The following TRPM3 variants were observed in gnomAD, a reference collection of about 807,000 sequenced individuals.
TRPM3 encodes the protein long transient receptor potential channel 3.
Under a neutral mutation model 181.2 loss-of-function variants are expected in TRPM3, and 77 were observed. The observed-to-expected ratio is 0.42, with a 90% confidence interval of 0.35 to 0.51. The LOEUF is 0.51. Among genes scored for constraint, TRPM3 ranks in the 20% least tolerant of loss-of-function variants. The probability of loss-of-function intolerance (pLI) is 0.01; values close to 1 mark genes in which losing one functional copy is unlikely to be tolerated. For missense variants in TRPM3, 1,759 were observed against 2,196.7 expected (o/e 0.80, Z 3.98); for synonymous variants, 745 against 796.4 (o/e 0.94, Z 1.09).
intron 1 of TRPM3, among the ~76,000 whole-genome samples, chr9:71,077,464 C>T (rs530761124): frequency 2.0e-5 from 3 of 152,322 alleles, no homozygotes; most frequent in Admixed American, 6.5e-5. Flanking sequence ...CATAGATATA[C>T]ATATCCTATG....
intron 1 of TRPM3, among the ~76,000 whole-genome samples, chr9:71,409,894 T>A (rs1423068967): frequency 6.6e-6 from 1 of 152,046 alleles, no homozygotes; most frequent in Non-Finnish European, 1.5e-5. Flanking sequence ...AGAAAGGAAA[T>A]CATAACAAAC....
intron 1 of TRPM3, among the ~76,000 whole-genome samples, chr9:70,978,214 T>C (rs1209467830): frequency 6.6e-6 from 1 of 152,202 alleles, no homozygotes; most frequent in Non-Finnish European, 1.5e-5. Flanking sequence ...GTATTTCTTA[T>C]AATTACATCT....
chr9:70,650,857 C>T (rs563655287), intron 9 of TRPM3, among the ~76,000 whole-genome samples: 140 of 152,282 alleles, frequency 9.2e-4, no homozygotes, highest in African/African-American at 3.2e-3. Flanking sequence ...CTTTTGCTGC[C>T]TCATCTACTC....
chr9:71,326,626 A>C (rs548382808), intron 1 of TRPM3, among the ~76,000 whole-genome samples: 5 of 152,228 alleles, frequency 3.3e-5, no homozygotes, highest in Non-Finnish European at 7.3e-5. Flanking sequence ...TGGTCTTTTA[A>C]TCATGCAATA....
intron 25 of TRPM3, among the ~76,000 whole-genome samples, chr9:70,547,926 G>C (rs1169382840): frequency 6.6e-6 from 1 of 152,224 alleles, no homozygotes; most frequent in African/African-American, 2.4e-5. Context: ...GAAAGAATTA[G>C]TGAAATGGTC....
At chr9:70,586,196 T>C (rs1480269127) in intron 22 of TRPM3, among the ~76,000 whole-genome samples, 4 of 152,238 alleles carry the variant, frequency 2.6e-5, no homozygotes, top group East Asian at 1.9e-4. Context: ...TTGCCTTTCC[T>C]GGACTGTAAG....
At chr9:71,218,172 C>T (rs957315379) in intron 1 of TRPM3, among the ~76,000 whole-genome samples, 6 of 152,148 alleles carry the variant, frequency 3.9e-5, no homozygotes, top group African/African-American at 1.4e-4. Context: ...CCTATCCACA[C>T]AATCCCAGTG....
At chr9:71,173,713 T>C (rs1414576203) in intron 1 of TRPM3, among the ~76,000 whole-genome samples, 1 of 152,182 alleles carries the variant, frequency 6.6e-6, no homozygotes, top group East Asian at 1.9e-4. Context: ...ACGCCCACAT[T>C]TCTTTTCTAC....
At chr9:70,761,164 C>T (rs754626002) in intron 8 of TRPM3, 43 of 375,916 alleles carry the variant, frequency 1.1e-4, no homozygotes, top group Middle Eastern at 1.4e-3. Context: ...TATGTTTCTC[C>T]GTTTTCTACC....
intron 8 of TRPM3, among the ~76,000 whole-genome samples, chr9:70,750,002 C>T (rs1403178534): frequency 1.3e-5 from 2 of 152,112 alleles, no homozygotes; most frequent in East Asian, 3.9e-4. Context: ...GTTGTGATAA[C>T]CAACTAATTC....
At chr9:70,686,115 T>C (rs962476515) in intron 8 of TRPM3, among the ~76,000 whole-genome samples, 18 of 151,370 alleles carry the variant, frequency 1.2e-4, no homozygotes, top group Non-Finnish European at 1.6e-4. Context: ...CACATGTGTA[T>C]ATATACACAC....
rs950625904 is a variant in TRPM3, at chr9:70,536,283, C to T, written c.4830G>A (p.Glu1610=). The stretch of plus-strand genomic sequence containing the variant: ...CTCTGCGGCCTTTGGCCTCATTCTC[C>T]TCACTGTCAGAGCTGGGGTGACTCA... ...AELSHPSSDS[E]ENEAKGRRAT... is the part of the protein sequence containing the mutation. The change falls in exon 26 of 26, where the codon GAG becomes GAA. Residue 1610 remains glutamate (E), a synonymous_variant. Transcript: ENST00000677713. 10 of 1,614,076 alleles carry T rather than the reference C, an allele frequency of 6.2e-6. No homozygotes were observed. In the African/African-American group the frequency reaches 8.0e-5, roughly 13 times the overall value.
rs527470858 is a variant in TRPM3 at position 70,891,010 on chromosome 9, G to A, written c.178-26499C>T. 2.5e-4 allele frequency among the ~76,000 whole-genome samples: 38 copies of A among 152,128 alleles called. 1 individual carries two copies. Among genetic ancestry groups the A allele is most frequent in the African/African-American group, 8.4e-4 (35 of 41,502 alleles). ...CACAGGAAGGGGAACATCACACTCC[G>A]GGGCCTGTCGTGGGGTGGGGAGAGG... On this transcript the variant is annotated intron_variant, in intron 1 of 25. Coordinates refer to ENST00000677713, the MANE Select transcript of TRPM3 (RefSeq NM_001366145.2).
intron 1 of TRPM3, among the ~76,000 whole-genome samples, chr9:70,876,329 AC>A (rs2095869370): frequency 4.7e-5 from 7 of 150,370 alleles, no homozygotes. Flanking sequence ...ATATATATAA[AC>A]TTTAAATATA....
chr9:70,795,110 T>C (rs545520191), intron 6 of TRPM3, among the ~76,000 whole-genome samples: 1 of 152,212 alleles, frequency 6.6e-6, no homozygotes, highest in Non-Finnish European at 1.5e-5. Flanking sequence ...GCATAGCCTA[T>C]ATGAAAACAC....
intron 1 of TRPM3, among the ~76,000 whole-genome samples, chr9:70,881,740 C>T (rs1026688901): frequency 6.6e-6 from 1 of 152,028 alleles, no homozygotes; most frequent in Admixed American, 6.6e-5. Flanking sequence ...GCCATTTCTG[C>T]ATTTCTGCAT....
At chr9:70,902,924 C>G in intron 1 of TRPM3, among the ~76,000 whole-genome samples, 1 of 152,176 alleles carries the variant, frequency 6.6e-6, no homozygotes, top group East Asian at 1.9e-4. Context: ...CGGCCTGCCT[C>G]CAGTTCACAG....
chr9:71,099,977 T>TCTGTAGTTTGACAGTTG (rs2134033969), intron 1 of TRPM3, among the ~76,000 whole-genome samples: 1 of 152,262 alleles, frequency 6.6e-6, no homozygotes, highest in South Asian at 2.1e-4. Context: ...TTTGACAGTG[T>TCTGTAGTTTGACAGTTG]GCTGTAGTCT....
At chr9:70,879,963 T>C (rs1206873386) in intron 1 of TRPM3, among the ~76,000 whole-genome samples, 1 of 152,120 alleles carries the variant, frequency 6.6e-6, no homozygotes, top group African/African-American at 2.4e-5. Context: ...GACACACTCC[T>C]AGTATTGCAT....
Sources: gnomAD v4.1 joint callset for allele counts (sites outside exome capture counted in the v4.1 genomes callset) on GRCh38, gnomAD v4.1.1 for gene constraint, MANE v1.5 for transcripts, NCBI Gene and HGNC (gene_info 2026-07-23, HGNC 2026-07-21) for gene names.